Variants in DPP10 observed in about 807,000 individuals in gnomAD.
The protein encoded by DPP10 is inactive dipeptidyl peptidase 10.
Under a neutral mutation model 120.9 loss-of-function variants are expected in DPP10, and 33 were observed. The ratio of observed to expected loss-of-function variants is 0.27; its 90% confidence interval spans 0.21 to 0.37. The LOEUF is 0.37. Ranked by LOEUF, DPP10 falls within the 10% of genes least tolerant of loss-of-function variation. The pLI is 1.00. For missense variants in DPP10, 816 were observed against 942.8 expected (o/e 0.87, Z 1.76); for synonymous variants, 337 against 326.1 (o/e 1.03, Z -0.36).
At chr2:114,926,106 G>A (rs1695600567) in intron 1 of DPP10, among the ~76,000 whole-genome samples, 1 of 152,170 alleles carries the variant, frequency 6.6e-6, no homozygotes, top group Non-Finnish European at 1.5e-5. Flanking sequence ...AGCCTCTGGA[G>A]GCAGAAAGCT....
chr2:115,657,643 T>A (rs750423658), intron 5 of DPP10, among the ~76,000 whole-genome samples: 42 of 151,824 alleles, frequency 2.8e-4, no homozygotes, highest in Admixed American at 1.1e-3. Context: ...TGTGAGTGTG[T>A]GTAGAAAAAA....
chr2:114,969,117 T>C (rs1352105818), intron 1 of DPP10, among the ~76,000 whole-genome samples: 1 of 152,230 alleles, frequency 6.6e-6, no homozygotes, highest in Non-Finnish European at 1.5e-5. Context: ...GGTAGATTAA[T>C]AGAATCATCT....
intron 11 of DPP10, among the ~76,000 whole-genome samples, chr2:115,756,685 G>A (rs1679444955): frequency 6.6e-6 from 1 of 152,102 alleles, no homozygotes; most frequent in South Asian, 2.1e-4. Context: ...CAATTATTAA[G>A]GAATAAATCC....
intron 21 of DPP10, 40 bp from the exon 22 acceptor site, chr2:115,836,114 TGTG>T: frequency 3.3e-6 from 3 of 907,112 alleles, no homozygotes; most frequent in Non-Finnish European, 4.4e-6. Flanking sequence ...TGTGTGTGTG[TGTG>T]AGATATATAT....
intron 1 of DPP10, among the ~76,000 whole-genome samples, chr2:114,876,778 A>G (rs188091500): frequency 1.3e-5 from 2 of 152,070 alleles, no homozygotes; most frequent in Non-Finnish European, 2.9e-5. Context: ...TACACCAGGA[A>G]TTCTTAATCT....
chr2:114,840,337 G>A (rs1056917704), intron 1 of DPP10, among the ~76,000 whole-genome samples: 1 of 152,084 alleles, frequency 6.6e-6, no homozygotes, highest in African/African-American at 2.4e-5. Context: ...ACTCATCAAA[G>A]AGCTAAGCAA....
intron 1 of DPP10, among the ~76,000 whole-genome samples, chr2:115,056,469 C>T (rs1183846368): frequency 2.0e-5 from 3 of 152,112 alleles, no homozygotes; most frequent in Non-Finnish European, 4.4e-5. Context: ...AAGTGATGCT[C>T]CTACCTCAGC....
At chr2:115,576,218 A>G (rs1021615966) in intron 5 of DPP10, among the ~76,000 whole-genome samples, 1 of 152,260 alleles carries the variant, frequency 6.6e-6, no homozygotes, top group East Asian at 1.9e-4. Flanking sequence ...AGGGCCAGGA[A>G]TGCCTTAAAG....
At chr2:114,612,853 A>G (rs1693389357) in intron 1 of DPP10, among the ~76,000 whole-genome samples, 1 of 152,190 alleles carries the variant, frequency 6.6e-6, no homozygotes, top group Non-Finnish European at 1.5e-5. Context: ...TTATTTCTAA[A>G]TGACATATAA....
intron 1 of DPP10, among the ~76,000 whole-genome samples, chr2:114,489,496 T>C (rs1266170755): frequency 6.6e-6 from 1 of 152,236 alleles, no homozygotes; most frequent in Non-Finnish European, 1.5e-5. Flanking sequence ...AATACTATTC[T>C]GACAAATACC....
At chr2:115,631,628 T>A (rs2085878890) in intron 5 of DPP10, among the ~76,000 whole-genome samples, 1 of 152,232 alleles carries the variant, frequency 6.6e-6, no homozygotes, top group African/African-American at 2.4e-5. Flanking sequence ...TCTCATTGGT[T>A]TCAAAGAACT....
At chr2:115,102,411 GTT>G (rs1381031601) in intron 1 of DPP10, among the ~76,000 whole-genome samples, 1 of 151,794 alleles carries the variant, frequency 6.6e-6, no homozygotes, top group Non-Finnish European at 1.5e-5. Context: ...TTGTTTGTTT[GTT>G]TGTTTGTTTG....
intron 2 of DPP10, among the ~76,000 whole-genome samples, chr2:115,339,769 A>G (rs1309433496): frequency 2.0e-5 from 3 of 152,172 alleles, no homozygotes; most frequent in Admixed American, 6.6e-5. Flanking sequence ...AATTTTAAAA[A>G]TGGAGAACAG....
intron 1 of DPP10, among the ~76,000 whole-genome samples, chr2:115,076,088 T>C (rs1166562014): frequency 6.6e-6 from 1 of 152,166 alleles, no homozygotes; most frequent in Non-Finnish European, 1.5e-5. Flanking sequence ...TCTCCACATC[T>C]ACCTTATAAA....
In DPP10 at chr2:115,768,283, C is replaced by G; in HGVS notation, c.1114-14C>G. 6.2e-7 allele frequency: 1 copy of G among 1,611,880 alleles called. No homozygotes were observed. Among genetic ancestry groups the G allele is most frequent in the Non-Finnish European group, 8.5e-7 (1 of 1,178,404 alleles). On this transcript the variant is annotated splice_polypyrimidine_tract_variant and intron_variant, in intron 12 of 25. Transcript: ENST00000410059. ...TGCCTTTCTGAGATTGTTCTGTGCTCTTCTGTATTTTAGAATGAGGAGCCC... is the reference window on the plus strand; with the variant it reads ...TGCCTTTCTGAGATTGTTCTGTGCTGTTCTGTATTTTAGAATGAGGAGCCC...
At chr2:115,164,424 TTG>T (rs1048859169) in intron 1 of DPP10, among the ~76,000 whole-genome samples, 10 of 151,992 alleles carry the variant, frequency 6.6e-5, no homozygotes, top group African/African-American at 2.4e-4. Context: ...ATGTGATTAG[TTG>T]TGTGTTTTCT....
At chr2:115,348,561 A>C (rs1250091811) in intron 3 of DPP10, among the ~76,000 whole-genome samples, 14 of 152,180 alleles carry the variant, frequency 9.2e-5, no homozygotes, top group Non-Finnish European at 1.5e-5. Flanking sequence ...GGTATCCTGC[A>C]ACGTTAGCAC....
At chr2:115,561,574 G>C (rs1455018995) in intron 5 of DPP10, among the ~76,000 whole-genome samples, 1 of 151,984 alleles carries the variant, frequency 6.6e-6, no homozygotes, top group Non-Finnish European at 1.5e-5. Flanking sequence ...CTGGTGCATA[G>C]TATATATGAG....
intron 1 of DPP10, among the ~76,000 whole-genome samples, chr2:114,691,213 G>A (rs186559345): frequency 9.3e-4 from 142 of 152,122 alleles, no homozygotes; most frequent in African/African-American, 3.2e-3. Context: ...GTTATATATG[G>A]CTTTTATTAT....
Sources: gnomAD v4.1 joint callset for allele counts (sites outside exome capture counted in the v4.1 genomes callset) on GRCh38, gnomAD v4.1.1 for gene constraint, MANE v1.5 for transcripts, NCBI Gene and HGNC (gene_info 2026-07-23, HGNC 2026-07-21) for gene names.